C8orf34: variants seen among roughly 807,000 people sequenced by gnomAD.
C8orf34 encodes uncharacterized protein C8orf34.
A neutral mutation model predicts 68.3 loss-of-function variants in C8orf34; 65 were observed. The observed-to-expected ratio is 0.95, with a 90% confidence interval of 0.78 to 1.17. C8orf34 has a LOEUF of 1.17. C8orf34 is among the 50% of genes most tolerant of loss of function. C8orf34 has a pLI of 0.00. For missense variants in C8orf34, 664 were observed against 655.4 expected (o/e 1.01, Z -0.14); for synonymous variants, 244 against 241.2 (o/e 1.01, Z -0.11).
chr8:68,648,539 C>T (rs1206981776), intron 8 of C8orf34, among the ~76,000 whole-genome samples: 1 of 152,180 alleles, frequency 6.6e-6, no homozygotes, highest in African/African-American at 2.4e-5. Context: ...ATCTTGTTTG[C>T]GTGGACTCAT....
chr8:68,693,801 G>A (rs1333367749), intron 8 of C8orf34, among the ~76,000 whole-genome samples: 1 of 152,042 alleles, frequency 6.6e-6, no homozygotes, highest in East Asian at 1.9e-4. Flanking sequence ...TCCTAGCTTA[G>A]GGTCCTTGGA....
At chr8:68,731,388 T>C (rs1821972775) in intron 10 of C8orf34, among the ~76,000 whole-genome samples, 1 of 152,202 alleles carries the variant, frequency 6.6e-6, no homozygotes, top group Non-Finnish European at 1.5e-5. Context: ...ATACTTTATA[T>C]TCCTGATATT....
chr8:68,706,099 C>T (rs1300301125), intron 8 of C8orf34, among the ~76,000 whole-genome samples: 1 of 152,146 alleles, frequency 6.6e-6, no homozygotes, highest in Non-Finnish European at 1.5e-5. Context: ...AAAAGAAAGA[C>T]AATCAAGAAG....
chr8:68,586,935 G>A (rs1353929354), intron 7 of C8orf34, among the ~76,000 whole-genome samples: 1 of 151,958 alleles, frequency 6.6e-6, no homozygotes, highest in Non-Finnish European at 1.5e-5. Context: ...ATTTTCTATG[G>A]CTACTTCCAT....
chr8:68,640,189 A>G (rs1818962630), intron 7 of C8orf34, among the ~76,000 whole-genome samples, 187 bp from the exon 8 acceptor site: 1 of 152,210 alleles, frequency 6.6e-6, no homozygotes, highest in South Asian at 2.1e-4. Flanking sequence ...ATCTTCACAC[A>G]TAATTTGTCT....
At chr8:68,607,792 A>G (rs995226966) in intron 7 of C8orf34, among the ~76,000 whole-genome samples, 2 of 152,132 alleles carry the variant, frequency 1.3e-5, no homozygotes, top group African/African-American at 4.8e-5. Flanking sequence ...TTTGTCATCA[A>G]CAAGAGCAAT....
chr8:68,414,393 G>A (rs1389997000), intron 1 of C8orf34, among the ~76,000 whole-genome samples: 2 of 152,210 alleles, frequency 1.3e-5, no homozygotes, highest in Non-Finnish European at 2.9e-5. Flanking sequence ...TTTGCTATCT[G>A]TAGAGTGTAC....
At chr8:68,645,097 C>G (rs1397261097) in intron 8 of C8orf34, among the ~76,000 whole-genome samples, 1 of 152,022 alleles carries the variant, frequency 6.6e-6, no homozygotes, top group African/African-American at 2.4e-5. Context: ...AGAGTTTACA[C>G]AAAGGTAGAA....
In C8orf34 at chr8:68,331,253, C is replaced by T; in HGVS notation, c.241C>T (p.Arg81Trp). 3 of 1,536,356 alleles carry T rather than the reference C, an allele frequency of 2.0e-6. No homozygotes were observed. Among genetic ancestry groups the T allele is most frequent in the South Asian group, 2.4e-5 (2 of 84,062 alleles). ...GCGCGTTCTCCCTGCACTCTCTTCGCGGTCCCATCTGTTCCCCATGGCGTC... is the reference window on the plus strand; with the variant it reads ...GCGCGTTCTCCCTGCACTCTCTTCGTGGTCCCATCTGTTCCCCATGGCGTC... ...QPRVLPALSS[R>W]SHLFPMASHP... The change falls in exon 1 of 14, where the codon CGG (arginine) becomes TGG (tryptophan). Residue 81 changes from arginine to tryptophan, a missense_variant. Physicochemically the swap from Arg to Trp is moderately radical, Grantham distance 101. Coordinates refer to ENST00000518698, the MANE Select transcript of C8orf34 (RefSeq NM_052958.4).
intron 9 of C8orf34, among the ~76,000 whole-genome samples, chr8:68,720,916 C>A (rs1156760007): frequency 6.6e-6 from 1 of 151,688 alleles, no homozygotes. Flanking sequence ...CCTCTCTGAA[C>A]TTTTTTCAGA....
intron 1 of C8orf34, among the ~76,000 whole-genome samples, chr8:68,366,909 A>C (rs1295256006): frequency 1.7e-4 from 19 of 109,118 alleles, no homozygotes; most frequent in Middle Eastern, 4.1e-3. Flanking sequence ...GGATCTAATT[A>C]AACTAAAGAG....
intron 7 of C8orf34, among the ~76,000 whole-genome samples, chr8:68,616,743 G>T (rs1274382952): frequency 1.3e-5 from 2 of 152,010 alleles, no homozygotes; most frequent in Non-Finnish European, 2.9e-5. Flanking sequence ...GTGTGGTGTG[G>T]TGCTGAAAAA....
chr8:68,813,370 T>TG (rs1824712974), intron 12 of C8orf34, among the ~76,000 whole-genome samples: 1 of 123,512 alleles, frequency 8.1e-6, no homozygotes, highest in South Asian at 2.5e-4. Context: ...GATAATTCTG[T>TG]TTTTTTTTTT....
chr8:68,604,993 C>T (rs745607450), intron 7 of C8orf34, among the ~76,000 whole-genome samples: 2 of 152,006 alleles, frequency 1.3e-5, no homozygotes, highest in Non-Finnish European at 2.9e-5. Flanking sequence ...ATATAAAGAA[C>T]CCTTAAAATT....
intron 7 of C8orf34, among the ~76,000 whole-genome samples, chr8:68,626,919 A>G (rs916958733): frequency 6.6e-6 from 1 of 152,182 alleles, no homozygotes; most frequent in African/African-American, 2.4e-5. Flanking sequence ...GCTTTTCAAA[A>G]AGACTGACTT....
At chr8:68,741,681 G>T (rs1306677546) in intron 10 of C8orf34, among the ~76,000 whole-genome samples, 1 of 152,002 alleles carries the variant, frequency 6.6e-6, no homozygotes, top group South Asian at 2.1e-4. Context: ...GGGTTCAGTT[G>T]TTTTAATTTT....
intron 12 of C8orf34, among the ~76,000 whole-genome samples, chr8:68,814,096 A>G (rs16935095): frequency 0.15 from 23,049 of 152,068 alleles, 1,941 homozygotes; most frequent in East Asian, 0.43. Flanking sequence ...ATCTATCTCC[A>G]AGTATGTAAG....
chr8:68,348,410 T>C (rs1806370121), intron 1 of C8orf34, among the ~76,000 whole-genome samples: 1 of 152,118 alleles, frequency 6.6e-6, no homozygotes, highest in Non-Finnish European at 1.5e-5. Context: ...GTCTCCAGCT[T>C]TGTTCTTTTT....
chr8:68,485,574 T>A (rs750517561), intron 4 of C8orf34, among the ~76,000 whole-genome samples: 17 of 151,828 alleles, frequency 1.1e-4, no homozygotes, highest in Non-Finnish European at 2.2e-4. Flanking sequence ...TAGCTGGGCA[T>A]GGTGGCGGGT....
Sources: gnomAD v4.1 joint callset for allele counts (sites outside exome capture counted in the v4.1 genomes callset) on GRCh38, gnomAD v4.1.1 for gene constraint, MANE v1.5 for transcripts, NCBI Gene and HGNC (gene_info 2026-07-23, HGNC 2026-07-21) for gene names.